Variants in TRAPPC9 observed in about 807,000 individuals in gnomAD.
TRAPPC9 encodes IKK2 binding protein.
TRAPPC9 carries 83 observed loss-of-function variants against 124.0 expected under a neutral mutation model. The observed-to-expected ratio is 0.67, with a 90% CI of 0.56 to 0.80. TRAPPC9 has a LOEUF of 0.80. Among genes scored for constraint, TRAPPC9 ranks in the 30% least tolerant of loss-of-function variants. The pLI is 0.00. For synonymous variants in TRAPPC9, 638 were observed against 617.5 expected, an observed-to-expected ratio of 1.03 and a Z score of -0.49; for missense variants, 1,302 against 1,508.3, an observed-to-expected ratio of 0.86 and a Z score of 2.27.
Position 140,443,529 on chromosome 8 carries a change from C to T in TRAPPC9, c.585-4332G>A, listed in dbSNP as rs377740262. On this transcript the variant is annotated intron_variant, in intron 2 of 22. Coordinates refer to ENST00000438773, the MANE Select transcript of TRAPPC9 (RefSeq NM_001160372.4). ...TTTGGGGTGGGGAGCCTTTTGACTA[C>T]GTGCCTGATGTAAATACAGTAAGTA... Among the ~76,000 whole-genome samples, 7 of 151,988 alleles carry T rather than the reference C, an allele frequency of 4.6e-5. No homozygotes were observed. The East Asian group carries it at 9.6e-4, about 21-fold the overall frequency.
intron 17 of TRAPPC9, among the ~76,000 whole-genome samples, chr8:140,201,733 C>G (rs1378543745): frequency 6.6e-6 from 1 of 152,186 alleles, no homozygotes; most frequent in African/African-American, 2.4e-5. Context: ...CTAACTCCCA[C>G]TCAAACACTA....
At chr8:139,734,821 T>C (rs1334442722) in intron 21 of TRAPPC9, among the ~76,000 whole-genome samples, 2 of 152,232 alleles carry the variant, frequency 1.3e-5, no homozygotes, top group Non-Finnish European at 2.9e-5. Flanking sequence ...CCCAGGGAAG[T>C]AGCCCTTCAC....
chr8:140,321,891 G>T (rs564946141), intron 9 of TRAPPC9, among the ~76,000 whole-genome samples: 4 of 152,334 alleles, frequency 2.6e-5, no homozygotes, highest in African/African-American at 7.2e-5. Flanking sequence ...GCTGGCAGAT[G>T]CCCTGAGGGG....
intron 21 of TRAPPC9, among the ~76,000 whole-genome samples, chr8:139,839,708 C>T (rs984101399): frequency 6.6e-6 from 1 of 152,204 alleles, no homozygotes; most frequent in Non-Finnish European, 1.5e-5. Flanking sequence ...CAGGTCACAG[C>T]TGAAATGCCG....
rs1416848605 is a variant in TRAPPC9, at chr8:140,182,809, T to C, written c.2556+38650A>G. ...ACACACCACAACTTGCATCATGCCA[T>C]TCCCCCTTCTCTGCCCGTCTATGCG... On this transcript the variant is annotated intron_variant, in intron 17 of 22. Coordinates refer to ENST00000438773, the MANE Select transcript of TRAPPC9 (RefSeq NM_001160372.4). The surrounding 1 kb of genome is among the most constrained non-coding windows in gnomAD (Gnocchi z 4.0). Among the ~76,000 whole-genome samples, 1 of 152,138 alleles carries C rather than the reference T, an allele frequency of 6.6e-6. No homozygotes were observed. The highest frequency in any genetic ancestry group is 1.5e-5 in the Non-Finnish European group (1 of 68,020).
chr8:140,336,688 T>C (rs2067050999), intron 9 of TRAPPC9, among the ~76,000 whole-genome samples: 1 of 152,160 alleles, frequency 6.6e-6, no homozygotes, highest in African/African-American at 2.4e-5. Context: ...GCTGAATAAA[T>C]TACATTCTGA....
rs529259527 is a variant in TRAPPC9, at chr8:139,776,076, A to T, written c.3056-43874T>A. 6.6e-6 allele frequency among the ~76,000 whole-genome samples: 1 copy of T among 152,254 alleles called. No homozygotes were observed. Among genetic ancestry groups the T allele is most frequent in the South Asian group, 2.1e-4 (1 of 4,820 alleles). On this transcript the variant is annotated intron_variant, in intron 21 of 22. Transcript: ENST00000438773. The surrounding 1 kb of genome is among the most constrained non-coding windows in gnomAD (Gnocchi z 4.1). ...GGCACCTTCAGAGGTCTTGAGCAAT[A>T]GCCACCAACCCTGACCAACCTCCTT... is the stretch of plus-strand genomic sequence containing the variant.
At chr8:140,446,293 CAAAAAAAAA>C (rs59393001) in intron 2 of TRAPPC9, among the ~76,000 whole-genome samples, 5 of 110,370 alleles carry the variant, frequency 4.5e-5, no homozygotes, top group African/African-American at 1.0e-4. Flanking sequence ...GACTCTGTCT[CAAAAAAAAA>C]AAAAAAAAAA....
intron 16 of TRAPPC9, among the ~76,000 whole-genome samples, chr8:140,245,495 G>C (rs2063962954): frequency 6.7e-6 from 1 of 149,714 alleles, no homozygotes. Context: ...GTGTGTGTCT[G>C]TAAAATACAC....
intron 21 of TRAPPC9, among the ~76,000 whole-genome samples, chr8:139,762,300 A>C (rs1820291985): frequency 6.6e-6 from 1 of 152,210 alleles, no homozygotes; most frequent in African/African-American, 2.4e-5. Context: ...AAGAACTAGT[A>C]TGCAAATCAC....
intron 9 of TRAPPC9, among the ~76,000 whole-genome samples, chr8:140,345,319 A>G (rs1408183532): frequency 1.3e-5 from 2 of 152,202 alleles, no homozygotes; most frequent in African/African-American, 2.4e-5. Flanking sequence ...GCACCTGGCA[A>G]TGACCACAAC....
intron 19 of TRAPPC9, among the ~76,000 whole-genome samples, chr8:139,944,539 G>A (rs913472282): frequency 6.6e-6 from 1 of 152,120 alleles, no homozygotes; most frequent in African/African-American, 2.4e-5. Context: ...GAAAATTAAG[G>A]TTGTGTATTG....
At chr8:139,901,857 G>A (rs74632083) in intron 20 of TRAPPC9, among the ~76,000 whole-genome samples, 1,690 of 152,306 alleles carry the variant, frequency 0.011, 27 homozygotes, top group African/African-American at 0.039. Flanking sequence ...GGGCCTCCTC[G>A]TTTTCTCATC....
intron 17 of TRAPPC9, among the ~76,000 whole-genome samples, chr8:140,086,141 C>T (rs912484038): frequency 2.0e-5 from 3 of 152,296 alleles, no homozygotes; most frequent in East Asian, 1.9e-4. Flanking sequence ...CTAACCAGGG[C>T]TTGGATCGTG....
chr8:140,090,830 CA>C (rs1844521657), intron 17 of TRAPPC9, among the ~76,000 whole-genome samples: 2 of 152,354 alleles, frequency 1.3e-5, no homozygotes, highest in South Asian at 2.1e-4. Context: ...TGTTCATTGA[CA>C]GCGGAGGCCA....
intron 21 of TRAPPC9, among the ~76,000 whole-genome samples, chr8:139,874,438 G>C (rs1002646631): frequency 1.3e-5 from 2 of 152,230 alleles, no homozygotes; most frequent in African/African-American, 4.8e-5. Context: ...ACAACCTTAA[G>C]GAGAAAGACA....
chr8:140,128,691 G>T (rs2061142459), intron 17 of TRAPPC9, among the ~76,000 whole-genome samples: 1 of 152,224 alleles, frequency 6.6e-6, no homozygotes, highest in African/African-American at 2.4e-5. Flanking sequence ...CTCCCAAGGG[G>T]TCGGCATGAT....
intron 21 of TRAPPC9, among the ~76,000 whole-genome samples, chr8:139,850,810 ATC>A (rs1278700441): frequency 6.6e-6 from 1 of 152,172 alleles, no homozygotes; most frequent in Non-Finnish European, 1.5e-5. Flanking sequence ...CCATCTAGCT[ATC>A]AACTCATCTT....
intron 21 of TRAPPC9, among the ~76,000 whole-genome samples, chr8:139,847,421 C>T (rs1300057040): frequency 1.1e-4 from 16 of 152,230 alleles, no homozygotes. Context: ...CCAGTTCATC[C>T]CACTCCTCAC....
Sources: gnomAD v4.1 joint callset for allele counts (sites outside exome capture counted in the v4.1 genomes callset) on GRCh38, gnomAD v4.1.1 for gene constraint, Gnocchi (gnomAD v3.1) non-coding constraint, MANE v1.5 for transcripts, NCBI Gene and HGNC (gene_info 2026-07-23, HGNC 2026-07-21) for gene names.